NGF: variants seen among roughly 807,000 people sequenced by gnomAD.
The protein encoded by NGF is nerve growth factor, also known as beta-nerve growth factor.
Under a neutral mutation model 12.8 loss-of-function variants are expected in NGF, and 4 were observed. That is an observed-to-expected ratio of 0.31 (90% confidence interval 0.15 to 0.72). The LOEUF is 0.72. Among genes scored for constraint, NGF ranks in the 30% least tolerant of loss-of-function variants. The pLI is 0.69. For synonymous variants in NGF, 140 were observed against 130.0 expected (o/e 1.08, Z -0.52); for missense variants, 283 against 330.8 (o/e 0.86, Z 1.12).
rs1186143270 is a variant in NGF at position 115,286,446 on chromosome 1, T to G, written c.350A>C (p.His117Pro). The G allele has an allele frequency of 6.2e-7, 1 of 1,613,352 alleles. No homozygotes were observed. The highest frequency in any genetic ancestry group is 8.5e-7 in the Non-Finnish European group (1 of 1,179,858). Residue 117 changes from histidine to proline, a missense_variant, in exon 3 of 3, where the codon CAC becomes CCC. Transcript: ENST00000369512. ...ATGGGATGATGACCGCTTGCTCCTG[T>G]GAGTCCTGTTGAAGGGGGCAGCACC... ...VGGAAPFNRT[H>P]RSKRSSSHPI...
Position 115,286,666 on chromosome 1 carries a change from G to C in NGF, c.130C>G (p.Leu44Val), listed in dbSNP as rs1473070474. ...QAHWTKLQHS[L>V]DTALRRARSA... ...CGGGCTCTGCGAAGGGCAGTGTCAA[G>C]GGAATGCTGAAGTTTAGTCCAGTGG... Residue 44 changes from leucine (L) to valine (V), a missense_variant, in exon 3 of 3, where the codon CTT becomes GTT. By Grantham distance (32) the Leu-to-Val change is conservative. Around this residue, in one of 2 missense-constraint regions of NGF, gnomAD observed 151 missense variants for 141.6 expected, o/e 1.07. Transcript: ENST00000369512. The C allele has an allele frequency of 3.1e-6, 5 of 1,614,108 alleles. No individual in the cohort carries two copies. The highest frequency in any genetic ancestry group is 3.4e-6 in the Non-Finnish European group (4 of 1,180,050).
At chr1:115,308,500 A>G (rs2101038830) in intron 1 of NGF, among the ~76,000 whole-genome samples, 1 of 152,352 alleles carries the variant, frequency 6.6e-6, no homozygotes, top group Non-Finnish European at 1.5e-5. Context: ...CACAATGGGC[A>G]GAACTGGAAG....
intron 1 of NGF, among the ~76,000 whole-genome samples, chr1:115,327,907 T>C (rs1654819416): frequency 6.6e-6 from 1 of 152,194 alleles, no homozygotes. Flanking sequence ...CGACATTAAT[T>C]TTACAGGCAA....
intron 1 of NGF, among the ~76,000 whole-genome samples, chr1:115,317,163 C>T (rs1208588891): frequency 1.3e-5 from 2 of 151,886 alleles, no homozygotes; most frequent in African/African-American, 2.4e-5. Flanking sequence ...GAGTCATGGC[C>T]CTTGTAATTT....
At chr1:115,329,519 T>C (rs1654858053) in intron 1 of NGF, among the ~76,000 whole-genome samples, 1 of 151,844 alleles carries the variant, frequency 6.6e-6, no homozygotes, top group Non-Finnish European at 1.5e-5. Flanking sequence ...TGACTTATAG[T>C]AAAAAAAATG....
chr1:115,320,198 C>T (rs977414328), intron 1 of NGF, among the ~76,000 whole-genome samples: 5 of 152,110 alleles, frequency 3.3e-5, no homozygotes, highest in Admixed American at 1.3e-4. Context: ...ACAATAGTTG[C>T]TCTTTACCCA....
chr1:115,295,973 T>C (rs1226254308), intron 1 of NGF, among the ~76,000 whole-genome samples: 3 of 152,210 alleles, frequency 2.0e-5, no homozygotes, highest in Non-Finnish European at 2.9e-5. Flanking sequence ...AAGGCATGCA[T>C]ATAAATAAAC....
intron 1 of NGF, among the ~76,000 whole-genome samples, chr1:115,315,319 C>A (rs1055466096): frequency 6.6e-6 from 1 of 152,178 alleles, no homozygotes; most frequent in Non-Finnish European, 1.5e-5. Context: ...AGTTAGGCAG[C>A]TCCTGCAATT....
intron 1 of NGF, among the ~76,000 whole-genome samples, chr1:115,326,715 C>A (rs911516367): frequency 6.6e-6 from 1 of 152,084 alleles, no homozygotes; most frequent in Non-Finnish European, 1.5e-5. Flanking sequence ...CCAGGAGGAG[C>A]CAGAACTGCT....
In NGF at chr1:115,333,814, C is replaced by T. The variant is rs571665414; in HGVS notation, c.-137+4390G>A. ...CTTTTCTTTCTTTCTTTCTCTTTTT[C>T]TTTCTTTCTCTCTTCTCTCTCTCTT... is the stretch of plus-strand genomic sequence containing the variant. On this transcript the variant is annotated intron_variant, in intron 1 of 2. Coordinates refer to ENST00000369512, the MANE Select transcript of NGF (RefSeq NM_002506.3). 4.9e-3 allele frequency among the ~76,000 whole-genome samples: 600 copies of T among 122,392 alleles called. 12 individuals carry two copies. Among genetic ancestry groups the T allele is most frequent in the African/African-American group, 0.02 (579 of 28,862 alleles). 80.3% of individuals were successfully genotyped at this position (122,392 alleles called of 152,430 possible). A position where few individuals can be genotyped will look rare whatever the true frequency, so the allele number is the denominator to read the frequency against.
intron 1 of NGF, among the ~76,000 whole-genome samples, chr1:115,330,740 C>A (rs1192454431): frequency 6.6e-6 from 1 of 150,878 alleles, no homozygotes; most frequent in African/African-American, 2.4e-5. Context: ...TCACTCCAAG[C>A]AATGTGCACG....
At chr1:115,334,378 C>CATATGGCAGA (rs1268009607) in intron 1 of NGF, among the ~76,000 whole-genome samples, 1 of 152,178 alleles carries the variant, frequency 6.6e-6, no homozygotes, top group African/African-American at 2.4e-5. Context: ...TTTTTAATAA[C>CATATGGCAGA]ATATGGCAGA....
chr1:115,333,619 A>C (rs948730603), intron 1 of NGF, among the ~76,000 whole-genome samples: 1 of 151,392 alleles, frequency 6.6e-6, no homozygotes, highest in African/African-American at 2.4e-5. Flanking sequence ...GATCAACCTC[A>C]TTTGGGGAGG....
chr1:115,317,653 C>T (rs572962832), intron 1 of NGF, among the ~76,000 whole-genome samples: 4 of 152,216 alleles, frequency 2.6e-5, no homozygotes, highest in South Asian at 4.2e-4. Flanking sequence ...TTTATCAGAG[C>T]GCTCTTCACC....
intron 1 of NGF, among the ~76,000 whole-genome samples, chr1:115,309,008 T>C (rs1485781432): frequency 6.6e-6 from 1 of 152,162 alleles, no homozygotes; most frequent in African/African-American, 2.4e-5. Context: ...CTGTATGTGA[T>C]CAGTTAGGCT....
chr1:115,336,918 G>A (rs1467728039), intron 1 of NGF, among the ~76,000 whole-genome samples: 1 of 152,200 alleles, frequency 6.6e-6, no homozygotes, highest in Admixed American at 6.5e-5. Flanking sequence ...CCCAGAGGAT[G>A]GAGCCAGAAC....
At chr1:115,336,413 C>G (rs774640819) in intron 1 of NGF, among the ~76,000 whole-genome samples, 1 of 152,108 alleles carries the variant, frequency 6.6e-6, no homozygotes, top group African/African-American at 2.4e-5. Context: ...AGTTTGGCAA[C>G]ATGTGGCATT....
intron 1 of NGF, among the ~76,000 whole-genome samples, chr1:115,314,058 T>C (rs1654405647): frequency 6.6e-6 from 1 of 152,134 alleles, no homozygotes; most frequent in Admixed American, 6.5e-5. Context: ...CCCCAGTCCA[T>C]TACCTTAAAC....
chr1:115,305,195 A>G (rs934232195), intron 1 of NGF, among the ~76,000 whole-genome samples: 8 of 152,240 alleles, frequency 5.3e-5, no homozygotes, highest in Non-Finnish European at 1.0e-4. Context: ...ATTATGTATT[A>G]TGTACCAGAC....
Sources: gnomAD v4.1 joint callset for allele counts (sites outside exome capture counted in the v4.1 genomes callset) on GRCh38, gnomAD v4.1.1 for gene constraint, gnomAD v4.1.1 regional missense constraint, MANE v1.5 for transcripts, NCBI Gene and HGNC (gene_info 2026-07-23, HGNC 2026-07-21) for gene names.